Variants in TROAP observed in about 807,000 individuals in gnomAD.
TROAP encodes the protein trophinin associated protein.
A neutral mutation model predicts 83.4 loss-of-function variants in TROAP; 62 were observed. The observed-to-expected ratio is 0.74, with a 90% CI of 0.61 to 0.92. The LOEUF is 0.92. Ranked by LOEUF, TROAP falls within the 40% of genes least tolerant of loss-of-function variation. The probability of loss-of-function intolerance (pLI) is 0.00; values close to 1 mark genes in which losing one functional copy is unlikely to be tolerated. For synonymous variants in TROAP, 352 were observed against 386.4 expected (o/e 0.91, Z 1.04); for missense variants, 876 against 985.1 (o/e 0.89, Z 1.48).
In TROAP at chr12:49,327,265, G is replaced by T. The variant is rs1007718133; in HGVS notation, c.826G>T (p.Val276Leu). Residue 276 changes from valine (V) to leucine (L), a missense_variant, in exon 8 of 15, where the codon GTG becomes TTG. Val to Leu is a conservative substitution (Grantham distance 32). Transcript: ENST00000257909. ...EVVTHSDEGGVASLGLAQRVP... is the reference protein window; with the variant it reads ...EVVTHSDEGGLASLGLAQRVP... Reference sequence around the variant, plus strand: ...TGTCACTCACTCAGATGAAGGAGGTGTGGCCTCTCTTGGTCTGGCCCAGCG... The same window carrying T: ...TGTCACTCACTCAGATGAAGGAGGTTTGGCCTCTCTTGGTCTGGCCCAGCG... 1.2e-6 allele frequency: 2 copies of T among 1,614,086 alleles called. No individual in the cohort carries two copies. The highest frequency in any genetic ancestry group is 1.7e-6 in the Non-Finnish European group (2 of 1,180,030).
intron 7 of TROAP, among the ~76,000 whole-genome samples, 155 bp downstream of exon 7, chr12:49,326,875 T>C (rs946531676): frequency 6.6e-6 from 1 of 152,168 alleles, no homozygotes; most frequent in East Asian, 1.9e-4. Flanking sequence ...ACCTTCTAGA[T>C]AGGCCAGCGA....
In TROAP at chr12:49,329,661, A is replaced by C. The variant is rs1382929981; in HGVS notation, c.1165-196A>C. ...GGCAACATAGTGAGACCCTGTCTCC[A>C]CTAAAATTTTAAAAATTAGAAAGTG... On this transcript the variant is annotated intron_variant, in intron 11 of 14. Transcript: ENST00000257909. The surrounding 1 kb of genome is among the most constrained non-coding windows in gnomAD (Gnocchi z 4.5). The C allele has an allele frequency of 9.8e-7, 1 of 1,022,080 alleles. No individual in the cohort carries two copies. The highest frequency in any genetic ancestry group is 2.4e-5 in the Admixed American group (1 of 40,942). 63.3% of individuals were successfully genotyped at this position (1,022,080 alleles called of 1,614,324 possible).
In TROAP at chr12:49,325,617, C is replaced by G; in HGVS notation, c.454C>G (p.Leu152Val). 6.2e-7 allele frequency: 1 copy of G among 1,613,868 alleles called. No homozygotes were observed. Among genetic ancestry groups the G allele is most frequent in the Non-Finnish European group, 8.5e-7 (1 of 1,180,018 alleles). ...CCAGCCTAGTCTGGCTAAAAGAGTA[C>G]TGGTTCGAGGAAGTCAGGGAGGCAC... ...GRQPSLAKRV[L>V]VRGSQGGTTQ... The change falls in exon 4 of 15, where the codon CTG becomes GTG. Residue 152 changes from leucine (L) to valine (V), a missense_variant. Coordinates refer to ENST00000257909, the MANE Select transcript of TROAP (RefSeq NM_005480.4).
chr12:49,327,105 T>C, intron 7 of TROAP, 104 bp from the exon 8 acceptor site: 5 of 1,403,492 alleles, frequency 3.6e-6, no homozygotes, highest in Non-Finnish European at 5.0e-6. Context: ...AATAGTGCAA[T>C]GGGGCCTATT....
Position 49,330,188 on chromosome 12 carries a change from G to T in TROAP, c.1343G>T (p.Gly448Val), listed in dbSNP as rs1565671947. ...LQQLLRQEVE[G>V]LVGGQCVPLN... ...CAGCTGTTGAGACAGGAAGTAGAGGGGCTGGTAGGGGGCCAGTGTGTCCCT... is the reference window on the plus strand; with the variant it reads ...CAGCTGTTGAGACAGGAAGTAGAGGTGCTGGTAGGGGGCCAGTGTGTCCCT... Residue 448 changes from glycine (G) to valine (V), a missense_variant, in exon 13 of 15, where the codon GGG (glycine) becomes GTG (valine). Gly to Val is a moderately radical substitution (Grantham distance 109). Transcript: ENST00000257909. 1 of 1,614,008 alleles carries T rather than the reference G, an allele frequency of 6.2e-7. No individual in the cohort carries two copies. The highest frequency in any genetic ancestry group is 8.5e-7 in the Non-Finnish European group (1 of 1,179,930).
Position 49,331,281 on chromosome 12 carries a change from C to A in TROAP, c.2166C>A (p.Ile722=), listed in dbSNP as rs374160612. 9 of 1,614,132 alleles carry A rather than the reference C, an allele frequency of 5.6e-6. No homozygotes were observed. The highest frequency in any genetic ancestry group is 6.8e-6 in the Non-Finnish European group (8 of 1,180,050). The change falls in exon 14 of 15, where the codon ATC becomes ATA. Residue 722 remains isoleucine, a synonymous_variant. Coordinates refer to ENST00000257909, the MANE Select transcript of TROAP (RefSeq NM_005480.4). ...RERLKSCLTA[I]HCFHEARLDD... Reference sequence around the variant, plus strand: ...GCCTCAAATCGTGTTTAACCGCCATCCACTGCTTCCACGAGGCTCGTCTGG... The same window carrying A: ...GCCTCAAATCGTGTTTAACCGCCATACACTGCTTCCACGAGGCTCGTCTGG...
chr12:49,329,309 G>A lies in TROAP; in HGVS notation c.1104+65G>A. On this transcript the variant is annotated intron_variant, in intron 10 of 14. Coordinates refer to ENST00000257909, the MANE Select transcript of TROAP (RefSeq NM_005480.4). This position sits in a 1 kb window ranked among gnomAD's most constrained non-coding sequence, Gnocchi z 4.5. Reference sequence around the variant, plus strand: ...GCTAGGGGAGAAAGGAGATGGATGGGTACAGGAGAGAGAAGACAGAAGCAA... The same window carrying A: ...GCTAGGGGAGAAAGGAGATGGATGGATACAGGAGAGAGAAGACAGAAGCAA... 6.2e-7 allele frequency: 1 copy of A among 1,612,844 alleles called. No homozygotes were observed. Among genetic ancestry groups the A allele is most frequent in the Non-Finnish European group, 8.5e-7 (1 of 1,178,828 alleles).
At chr12:49,327,878 C>G (rs541761257) in intron 8 of TROAP, among the ~76,000 whole-genome samples, 1 of 152,148 alleles carries the variant, frequency 6.6e-6, no homozygotes, top group African/African-American at 2.4e-5. Flanking sequence ...TCAGGGAACT[C>G]TTACTGAGAA....
rs759230349 is a variant in TROAP, at chr12:49,323,304, G to A, written c.-51G>A. Reference sequence around the variant, plus strand: ...CTCCAGCAGCACCCGAGAGGGTCAGGAGAAAAGCGGAGGAAGCTGGGTAGG... The same window carrying A: ...CTCCAGCAGCACCCGAGAGGGTCAGAAGAAAAGCGGAGGAAGCTGGGTAGG... On this transcript the variant is annotated 5_prime_UTR_variant, in exon 1 of 15. Transcript: ENST00000257909. 3 of 328,492 alleles carry A rather than the reference G, an allele frequency of 9.1e-6. No individual in the cohort carries two copies. Among genetic ancestry groups the A allele is most frequent in the Non-Finnish European group, 1.7e-5 (3 of 179,498 alleles). The allele number at this position is 328,492 out of a possible 1,614,324, so 20.3% of individuals were successfully genotyped here.
Position 49,325,220 on chromosome 12 carries a change from ATT to A in TROAP, c.338-277_338-276del, listed in dbSNP as rs1477233144. ...AGGAGTGAGCTACCGCACCCAGCCA[ATT>A]TTTGTATTTTTTTAGTGGAGACAGG... is the stretch of plus-strand genomic sequence containing the variant. On this transcript the variant is annotated intron_variant, in intron 3 of 14. Coordinates refer to ENST00000257909, the MANE Select transcript of TROAP (RefSeq NM_005480.4). 4.0e-5 allele frequency among the ~76,000 whole-genome samples: 6 copies of A among 148,982 alleles called. No individual in the cohort carries two copies. In the South Asian group the frequency reaches 1.3e-3, roughly 32 times the overall value.
At position 49,331,046 on chromosome 12, in the gene TROAP, A is replaced by G. The variant is rs753705295; in HGVS notation, c.2098+103A>G. ...ACCCCAGGCAATCTCATGCTTCCAC[A>G]CCTTCCACCCTGGCCCAGCCTGGCT... On this transcript the variant is annotated intron_variant, in intron 13 of 14. Coordinates refer to ENST00000257909, the MANE Select transcript of TROAP (RefSeq NM_005480.4). 4.4e-5 allele frequency: 68 copies of G among 1,549,036 alleles called. No homozygotes were observed. The Admixed American group carries it at 1.1e-3, about 25-fold the overall frequency.
In TROAP at chr12:49,331,706, T is replaced by G; in HGVS notation, c.*89T>G. ...CCATGGGACTGGGAGCCGCCCACTT[T>G]TGTCCTCAATAAAGTTTCTAAAGTA... On this transcript the variant is annotated 3_prime_UTR_variant, in exon 15 of 15. Coordinates refer to ENST00000257909, the MANE Select transcript of TROAP (RefSeq NM_005480.4). 2 of 1,545,712 alleles carry G rather than the reference T, an allele frequency of 1.3e-6. No individual in the cohort carries two copies. Among genetic ancestry groups the G allele is most frequent in the Non-Finnish European group, 1.8e-6 (2 of 1,122,724 alleles).
In TROAP at chr12:49,323,803, C is replaced by T. The variant is rs201457498; in HGVS notation, c.145-42C>T. 1.9e-6 allele frequency: 3 copies of T among 1,613,870 alleles called. No homozygotes were observed. The African/African-American group carries it at 4.0e-5, about 22-fold the overall frequency. The stretch of plus-strand genomic sequence containing the variant: ...CAGTAGTCACACCAGTAATGCACCC[C>T]AACACTAAACCTCACCTTTTTGTCC... On this transcript the variant is annotated intron_variant, in intron 2 of 14. Transcript: ENST00000257909.
chr12:49,329,038 C>T lies in TROAP; in HGVS notation c.1003C>T (p.Pro335Ser). The T allele has an allele frequency of 6.2e-7, 1 of 1,611,180 alleles. No homozygotes were observed. Among genetic ancestry groups the T allele is most frequent in the Non-Finnish European group, 8.5e-7 (1 of 1,178,084 alleles). ...PFGRAQRVPS[P>S]GPPTLTSYSV... ...TGGACGGGCTCAGCGTGTACCCTCCCCAGGCCCTCCAACTCTGGTTTGTGT... is the reference window on the plus strand; with the variant it reads ...TGGACGGGCTCAGCGTGTACCCTCCTCAGGCCCTCCAACTCTGGTTTGTGT... Residue 335 changes from proline (P) to serine (S), a missense_variant, in exon 9 of 15, where the codon CCA (proline) becomes TCA (serine). Around this residue, in one of 3 missense-constraint regions of TROAP, gnomAD observed 689 missense variants for 722.6 expected, o/e 0.95. Coordinates refer to ENST00000257909, the MANE Select transcript of TROAP (RefSeq NM_005480.4). The surrounding 1 kb of genome is among the most constrained non-coding windows in gnomAD (Gnocchi z 4.5).
intron 1 of TROAP, 124 bp from the exon 2 acceptor site, chr12:49,323,480 C>T: frequency 1.5e-6 from 2 of 1,357,528 alleles, no homozygotes; most frequent in Non-Finnish European, 2.0e-6. Context: ...GTCTTGCAGG[C>T]GCCGGGGGCT....
At chr12:49,328,260 T>C (rs924713767) in intron 8 of TROAP, among the ~76,000 whole-genome samples, 1 of 148,566 alleles carries the variant, frequency 6.7e-6, no homozygotes, top group Non-Finnish European at 1.5e-5. Flanking sequence ...GTTTCACTCT[T>C]GTTGCCCAGG....
intron 7 of TROAP, 91 bp downstream of exon 7, chr12:49,326,811 G>GA: frequency 7.1e-7 from 1 of 1,418,046 alleles, no homozygotes; most frequent in East Asian, 2.5e-5. Context: ...GGCTGGGAGG[G>GA]AGCATGAGGA....
Position 49,329,734 on chromosome 12 carries a change from C to T in TROAP, c.1165-123C>T. The T allele has an allele frequency of 7.2e-7, 1 of 1,398,192 alleles. No individual in the cohort carries two copies. Among genetic ancestry groups the T allele is most frequent in the East Asian group, 2.3e-5 (1 of 43,472 alleles). 86.6% of individuals were successfully genotyped at this position (1,398,192 alleles called of 1,614,324 possible). A position where few individuals can be genotyped will look rare whatever the true frequency, so the allele number is the denominator to read the frequency against. On this transcript the variant is annotated intron_variant, in intron 11 of 14. Coordinates refer to ENST00000257909, the MANE Select transcript of TROAP (RefSeq NM_005480.4). This position sits in a 1 kb window ranked among gnomAD's most constrained non-coding sequence, Gnocchi z 4.5. Reference sequence around the variant, plus strand: ...TCTCACTGCTTCTCTGCTGCCCCTCCTAATGTACATCTAGGGCCTCTCAGT... The same window carrying T: ...TCTCACTGCTTCTCTGCTGCCCCTCTTAATGTACATCTAGGGCCTCTCAGT...
At chr12:49,325,422 G>A (rs1943483411) in intron 3 of TROAP, 79 bp from the exon 4 acceptor site, 1 of 1,367,172 alleles carries the variant, frequency 7.3e-7, no homozygotes, top group African/African-American at 1.5e-5. Flanking sequence ...TGCTCACCTT[G>A]TACCTCAAAG....
Sources: gnomAD v4.1 joint callset for allele counts (sites outside exome capture counted in the v4.1 genomes callset) on GRCh38, gnomAD v4.1.1 for gene constraint, gnomAD v4.1.1 regional missense constraint, Gnocchi (gnomAD v3.1) non-coding constraint, MANE v1.5 for transcripts, NCBI Gene and HGNC (gene_info 2026-07-23, HGNC 2026-07-21) for gene names.